PARP4: variants seen among roughly 807,000 people sequenced by gnomAD.
PARP4 encodes protein mono-ADP-ribosyltransferase PARP4.
Under a neutral mutation model 187.7 loss-of-function variants are expected in PARP4, and 120 were observed. The ratio of observed to expected loss-of-function variants is 0.64; its 90% CI spans 0.55 to 0.74. The LOEUF is 0.74. Among genes scored for constraint, PARP4 ranks in the 30% least tolerant of loss-of-function variants. PARP4 has a pLI of 0.00. For missense variants in PARP4, 1,836 were observed against 2,070.5 expected (o/e 0.89, Z 2.20); for synonymous variants, 654 against 740.9 (o/e 0.88, Z 1.90).
intron 30 of PARP4, among the ~76,000 whole-genome samples, chr13:24,441,011 AC>A (rs1268047370): frequency 9.9e-5 from 15 of 152,140 alleles, no homozygotes; most frequent in Non-Finnish European, 1.9e-4. Context: ...AGCTGGGACT[AC>A]AGGCAAGCAC....
chr13:24,432,024 G>A (rs1425907327), intron 31 of PARP4, among the ~76,000 whole-genome samples: 1 of 152,126 alleles, frequency 6.6e-6, no homozygotes, highest in Non-Finnish European at 1.5e-5. Flanking sequence ...ACCATACCCG[G>A]CCGAGATTTT....
rs1208365115 is a variant in PARP4 at position 24,510,415 on chromosome 13, G to A, written c.-2+2291C>T. On this transcript the variant is annotated intron_variant, in intron 1 of 33. Transcript: ENST00000381989. ...TAAAAATACAAAAAATTAGCCGGGC[G>A]TAGTGGCGGGTGCCTGTAGTCCCAG... Among the ~76,000 whole-genome samples the A allele has an allele frequency of 9.9e-5, 15 of 151,498 alleles. No individual in the cohort carries two copies. The South Asian group carries it at 2.1e-3, about 21-fold the overall frequency.
intron 1 of PARP4, among the ~76,000 whole-genome samples, chr13:24,505,863 T>A (rs981829416): frequency 1.3e-5 from 2 of 152,206 alleles, no homozygotes; most frequent in South Asian, 4.1e-4. Context: ...CGGTTCCGGG[T>A]CCTGTGTTAG....
At chr13:24,484,871 G>A in intron 11 of PARP4, 123 bp from the exon 12 acceptor site, 1 of 599,558 alleles carries the variant, frequency 1.7e-6, no homozygotes, top group South Asian at 2.5e-5. Context: ...TCAGGGTGAA[G>A]CCATGGTTGT....
chr13:24,462,961 G>C (rs940147044), intron 17 of PARP4, among the ~76,000 whole-genome samples: 15 of 152,086 alleles, frequency 9.9e-5, no homozygotes, highest in Admixed American at 9.8e-4. Context: ...GAGAGAATGA[G>C]GGAGAAGAAA....
chr13:24,487,480 CT>C (rs147196239), intron 10 of PARP4, among the ~76,000 whole-genome samples: 16,638 of 148,978 alleles, frequency 0.11, no homozygotes, highest in African/African-American at 0.19. Context: ...ATAACAGGAT[CT>C]GGATTAAAGA....
Position 24,441,037 on chromosome 13 carries a change from A to G in PARP4, c.3666+809T>C, listed in dbSNP as rs539179374. ...CAGGCAAGCACCACCACGCCCAGCT[A>G]ATTTTTGTATTTTTTTGTAGCGACA... On this transcript the variant is annotated intron_variant, in intron 30 of 33. Coordinates refer to ENST00000381989, the MANE Select transcript of PARP4 (RefSeq NM_006437.4). Among the ~76,000 whole-genome samples the G allele has an allele frequency of 5.7e-4, 87 of 152,074 alleles. 4 individuals carry two copies. In the South Asian group the frequency reaches 0.017, roughly 30 times the overall value.
In PARP4 at chr13:24,452,547, C is replaced by T. The variant is rs370048875; in HGVS notation, c.2873G>A (p.Arg958Gln). The T allele has an allele frequency of 2.8e-5, 45 of 1,613,868 alleles. No individual in the cohort carries two copies. Among genetic ancestry groups the T allele is most frequent in the Admixed American group, 6.7e-5 (4 of 59,996 alleles). Residue 958 changes from arginine (R) to glutamine (Q), a missense_variant, in exon 24 of 34, where the codon CGA becomes CAA. By Grantham distance (43) the Arg-to-Gln change is conservative (BLOSUM62 1). Around this residue, in one of 8 missense-constraint regions of PARP4, gnomAD observed 1,147 missense variants for 1,214.2 expected, o/e 0.94. Transcript: ENST00000381989. ...MGNTDFWKTL[R>Q]YLSLLYPARG... ...AGCAGGGTACAATAAGCTAAGATAT[C>T]GGAGTGTTTTCCAGAAGTCTGTGTT...
chr13:24,460,484 TCTGCTGCATGGGTGGGC>T (rs1364017128), intron 17 of PARP4, among the ~76,000 whole-genome samples: 50 of 120,054 alleles, frequency 4.2e-4, no homozygotes, highest in Admixed American at 1.3e-3. Context: ...ACGGGTGGGC[TCTGCTGCATGGGTGGGC>T]TCTGCTGCAT....
chr13:24,484,609 A>C, intron 12 of PARP4, 44 bp downstream of exon 12: 1 of 1,281,214 alleles, frequency 7.8e-7, no homozygotes, highest in Non-Finnish European at 1.1e-6. Context: ...GAAAATACAC[A>C]GCAAGTATTC....
At chr13:24,475,051 C>T (rs140009261) in intron 15 of PARP4, among the ~76,000 whole-genome samples, 1,548 of 152,000 alleles carry the variant, frequency 0.01, 26 homozygotes, top group African/African-American at 0.034. Flanking sequence ...TTAGCCCCCA[C>T]TTCCTTCAGG....
In PARP4 at chr13:24,492,498, T is replaced by C. The variant is rs1248881028; in HGVS notation, c.976A>G (p.Arg326Gly). Residue 326 changes from arginine to glycine, a missense_variant, in exon 9 of 34, where the codon AGA becomes GGA. By Grantham distance (125) the Arg-to-Gly change is moderately radical. This residue lies in a region of PARP4 where 1,147 missense variants were observed against 1,214.2 expected (regional missense o/e 0.94). Coordinates refer to ENST00000381989, the MANE Select transcript of PARP4 (RefSeq NM_006437.4). Reference protein sequence around the residue: ...QLQKMMTEFYRLIPHKGTMPK... With the variant: ...QLQKMMTEFYGLIPHKGTMPK... Reference sequence around the variant, plus strand: ...ATTGTGCCTTTGTGAGGTATCAGTCTGTAAAACTCTGTCATCATCTTTTGC... The same window carrying C: ...ATTGTGCCTTTGTGAGGTATCAGTCCGTAAAACTCTGTCATCATCTTTTGC... The C allele has an allele frequency of 6.2e-7, 1 of 1,613,920 alleles. No homozygotes were observed. The highest frequency in any genetic ancestry group is 8.5e-7 in the Non-Finnish European group (1 of 1,179,896).
chr13:24,470,921 A>G (rs920343864), intron 15 of PARP4, among the ~76,000 whole-genome samples: 1 of 152,142 alleles, frequency 6.6e-6, no homozygotes, highest in African/African-American at 2.4e-5. Context: ...TCCTGGAGAC[A>G]GAATCTCTTG....
intron 17 of PARP4, among the ~76,000 whole-genome samples, chr13:24,461,790 C>T (rs1231961008): frequency 6.6e-6 from 1 of 152,200 alleles, no homozygotes; most frequent in Non-Finnish European, 1.5e-5. Context: ...AGCAAACTCT[C>T]ACTTCCAGAG....
At chr13:24,435,874 A>C (rs886960789) in intron 30 of PARP4, among the ~76,000 whole-genome samples, 7 of 150,186 alleles carry the variant, frequency 4.7e-5, no homozygotes, top group African/African-American at 1.7e-4. Flanking sequence ...ACAGATTTGC[A>C]CTACTGCTCT....
At chr13:24,425,239 T>C (rs1869967770) in intron 33 of PARP4, among the ~76,000 whole-genome samples, 1 of 147,950 alleles carries the variant, frequency 6.8e-6, no homozygotes. Flanking sequence ...AGGCGGAGGT[T>C]GCAGTGAGCT....
intron 6 of PARP4, among the ~76,000 whole-genome samples, chr13:24,495,341 C>G (rs755395466): frequency 4.7e-4 from 72 of 151,652 alleles, no homozygotes; most frequent in Non-Finnish European, 1.6e-4. Flanking sequence ...GCTTGTAAAT[C>G]TGGTTTTCCA....
intron 31 of PARP4, among the ~76,000 whole-genome samples, chr13:24,433,318 G>A (rs1337200143): frequency 6.6e-6 from 1 of 152,212 alleles, no homozygotes; most frequent in East Asian, 1.9e-4. Flanking sequence ...CCCAGAGCTC[G>A]GGGCCTTCGC....
chr13:24,434,308 C>G, intron 31 of PARP4, 87 bp downstream of exon 31: 1 of 1,261,566 alleles, frequency 7.9e-7, no homozygotes, highest in Admixed American at 2.4e-5. Context: ...TGATGATAGA[C>G]GGTTCCTTGA....
Sources: gnomAD v4.1 joint callset for allele counts (sites outside exome capture counted in the v4.1 genomes callset) on GRCh38, gnomAD v4.1.1 for gene constraint, gnomAD v4.1.1 regional missense constraint, MANE v1.5 for transcripts, NCBI Gene and HGNC (gene_info 2026-07-23, HGNC 2026-07-21) for gene names.